The following COL14A1 variants were observed in gnomAD, a reference collection of about 807,000 sequenced individuals.
COL14A1 encodes collagen type XIV alpha 1 chain.
In COL14A1, 136 loss-of-function variants were observed where a neutral mutation model predicts 230.3. The ratio of observed to expected loss-of-function variants is 0.59; its 90% confidence interval spans 0.51 to 0.68. The LOEUF (loss-of-function observed/expected upper bound fraction) is 0.68, where lower values mean the gene tolerates loss of function less well. Ranked by LOEUF, COL14A1 falls within the 30% of genes least tolerant of loss-of-function variation. COL14A1 has a pLI of 0.00. For synonymous variants in COL14A1, 792 were observed against 784.1 expected, an observed-to-expected ratio of 1.01 and a Z score of -0.17; for missense variants, 1,976 against 2,215.8, an observed-to-expected ratio of 0.89 and a Z score of 2.17.
chr8:120,350,622 G>A (rs1245839702), intron 45 of COL14A1, among the ~76,000 whole-genome samples: 1 of 150,200 alleles, frequency 6.7e-6, no homozygotes, highest in African/African-American at 2.5e-5. Context: ...AACCATCAAA[G>A]ATCAAAAGAG....
chr8:120,251,008 A>G (rs1818930697), intron 22 of COL14A1, among the ~76,000 whole-genome samples: 1 of 152,108 alleles, frequency 6.6e-6, no homozygotes, highest in South Asian at 2.1e-4. Flanking sequence ...GGGTTTCACC[A>G]TGTTGGCCAG....
At chr8:120,335,144 A>C (rs959430598) in intron 42 of COL14A1, among the ~76,000 whole-genome samples, 4 of 152,144 alleles carry the variant, frequency 2.6e-5, no homozygotes, top group African/African-American at 7.2e-5. Context: ...GAGAGTTGAC[A>C]TGGGGCGTGG....
Position 120,207,048 on chromosome 8 carries a change from A to G in COL14A1, c.1145A>G (p.Lys382Arg). 1.9e-6 allele frequency: 3 copies of G among 1,613,964 alleles called. No homozygotes were observed. In the South Asian group the frequency reaches 3.3e-5, roughly 18 times the overall value. Residue 382 changes from lysine to arginine, a missense_variant, in exon 10 of 48, where the codon AAA (lysine) becomes AGA (arginine). Lys to Arg is a conservative substitution (Grantham distance 26, BLOSUM62 2). Coordinates refer to ENST00000297848, the MANE Select transcript of COL14A1 (RefSeq NM_021110.4). ...NWTHAPGNVE[K>R]YRVVYYPTRG... The stretch of plus-strand genomic sequence containing the variant: ...ACTCATGCCCCAGGAAATGTGGAAA[A>G]ATACAGAGTTGTGTATTATCCTACC...
chr8:120,146,928 C>G (rs1162001827), intron 1 of COL14A1, among the ~76,000 whole-genome samples: 6 of 151,946 alleles, frequency 3.9e-5, no homozygotes, highest in African/African-American at 1.4e-4. Flanking sequence ...CTGTAATGAC[C>G]TAGTAATAGA....
chr8:120,218,113 T>C (rs1035569387), intron 14 of COL14A1, among the ~76,000 whole-genome samples: 1 of 138,746 alleles, frequency 7.2e-6, no homozygotes, highest in African/African-American at 2.7e-5. Flanking sequence ...AATATATAAG[T>C]ATATATCTAT....
intron 1 of COL14A1, among the ~76,000 whole-genome samples, chr8:120,140,305 G>A (rs1384565436): frequency 6.6e-6 from 1 of 151,108 alleles, no homozygotes; most frequent in Non-Finnish European, 1.5e-5. Context: ...TTGTAAGTGA[G>A]CTCACCTAAG....
chr8:120,154,231 G>A (rs77699324), intron 2 of COL14A1, among the ~76,000 whole-genome samples: 2 of 152,192 alleles, frequency 1.3e-5, no homozygotes, highest in East Asian at 3.9e-4. Flanking sequence ...AAGGAAAGAA[G>A]GAGGGAAGAA....
At chr8:120,294,299 A>G (rs1300036312) in intron 34 of COL14A1, among the ~76,000 whole-genome samples, 1 of 151,778 alleles carries the variant, frequency 6.6e-6, no homozygotes, top group East Asian at 1.9e-4. Context: ...ATTTGACCCC[A>G]AGTGACTTGC....
Position 120,197,833 on chromosome 8 carries a change from C to T in COL14A1, c.615C>T (p.Asp205=), listed in dbSNP as rs199524052. ...TRIGLAQYSG[D]PRIEWHLNAF... ...CAGGTCTTGCACAGTATAGTGGTGACCCCAGAATAGAATGGCACTTGAATG... is the reference window on the plus strand; with the variant it reads ...CAGGTCTTGCACAGTATAGTGGTGATCCCAGAATAGAATGGCACTTGAATG... The change falls in exon 7 of 48, where the codon GAC becomes GAT. Residue 205 remains aspartate, a synonymous_variant. Transcript: ENST00000297848. The T allele has an allele frequency of 3.7e-6, 6 of 1,613,478 alleles. No homozygotes were observed. The Admixed American group carries it at 1.0e-4, about 27-fold the overall frequency.
At chr8:120,214,389 C>A (rs1166097087) in intron 13 of COL14A1, among the ~76,000 whole-genome samples, 2 of 152,084 alleles carry the variant, frequency 1.3e-5, no homozygotes, top group African/African-American at 4.8e-5. Flanking sequence ...GGACAACACT[C>A]AGTAAATGTT....
At chr8:120,172,934 A>G (rs191519278) in intron 5 of COL14A1, among the ~76,000 whole-genome samples, 284 of 152,336 alleles carry the variant, frequency 1.9e-3, no homozygotes, top group Admixed American at 3.2e-3. Flanking sequence ...TACCAGATAT[A>G]TATTTTCCCT....
At chr8:120,316,325 A>G (rs1821232312) in intron 40 of COL14A1, among the ~76,000 whole-genome samples, 1 of 152,032 alleles carries the variant, frequency 6.6e-6, no homozygotes, top group African/African-American at 2.4e-5. Context: ...GCATAAATGT[A>G]AAGGAAATAA....
intron 14 of COL14A1, among the ~76,000 whole-genome samples, chr8:120,218,071 A>G (rs1817813261): frequency 7.1e-6 from 1 of 141,038 alleles, no homozygotes; most frequent in Admixed American, 7.5e-5. Flanking sequence ...GTATCTATAT[A>G]TAAATATATA....
chr8:120,368,918 G>C (rs1001698547), intron 46 of COL14A1, among the ~76,000 whole-genome samples: 3 of 152,124 alleles, frequency 2.0e-5, no homozygotes, highest in African/African-American at 7.2e-5. Flanking sequence ...ATTCTAACTA[G>C]ATGATGAGGT....
At chr8:120,308,849 C>G (rs1820935238) in intron 36 of COL14A1, among the ~76,000 whole-genome samples, 1 of 152,190 alleles carries the variant, frequency 6.6e-6, no homozygotes, top group Non-Finnish European at 1.5e-5. Flanking sequence ...TAAATTCTGT[C>G]TAGTGCCCAC....
At chr8:120,299,135 G>T (rs1380028149) in intron 35 of COL14A1, among the ~76,000 whole-genome samples, 1 of 152,014 alleles carries the variant, frequency 6.6e-6, no homozygotes, top group Non-Finnish European at 1.5e-5. Context: ...TTACTCCACT[G>T]GGTCCTGCCT....
At chr8:120,190,630 T>G (rs1322099417) in intron 5 of COL14A1, among the ~76,000 whole-genome samples, 1 of 152,226 alleles carries the variant, frequency 6.6e-6, no homozygotes, top group Non-Finnish European at 1.5e-5. Flanking sequence ...TGCCAGCTCC[T>G]CTTTGTACCT....
In COL14A1 at chr8:120,279,916, T is replaced by C. The variant is rs1586827593; in HGVS notation, c.3482-19T>C. On this transcript the variant is annotated intron_variant, in intron 28 of 47. Transcript: ENST00000297848. ...GTACAATTTAAAGTAATCGGAAATC[T>C]GTTCTCTGTCTGCCACAGGCTATAG... is the stretch of plus-strand genomic sequence containing the variant. 6.2e-7 allele frequency: 1 copy of C among 1,609,720 alleles called. No individual in the cohort carries two copies. The highest frequency in any genetic ancestry group is 2.2e-5 in the East Asian group (1 of 44,798).
rs569201691 is a variant in COL14A1, at chr8:120,295,928, C to T, written c.4237-1583C>T. The stretch of plus-strand genomic sequence containing the variant: ...AGTCTAGCTCCATACTCTCAGAATC[C>T]GTATGATCTTTGAAATATTTATTGT... On this transcript the variant is annotated intron_variant, in intron 34 of 47. Coordinates refer to ENST00000297848, the MANE Select transcript of COL14A1 (RefSeq NM_021110.4). Among the ~76,000 whole-genome samples, 5 of 151,894 alleles carry T rather than the reference C, an allele frequency of 3.3e-5. No individual in the cohort carries two copies. In the South Asian group the frequency reaches 6.2e-4, roughly 19 times the overall value.
Sources: allele counts gnomAD v4.1 joint callset (sites outside exome capture counted in the v4.1 genomes callset), GRCh38; gene constraint gnomAD v4.1.1; transcripts MANE v1.5; gene names NCBI Gene and HGNC (gene_info 2026-07-23, HGNC 2026-07-21).